The following HAT1 variants were observed in gnomAD, a reference collection of about 807,000 sequenced individuals.
HAT1 encodes the protein histone acetyltransferase 1, also known as histone acetyltransferase type B catalytic subunit.
In HAT1, 20 loss-of-function variants were observed where a neutral mutation model predicts 56.6. That is an observed-to-expected ratio of 0.35 (90% CI 0.25 to 0.51). The LOEUF is 0.51. Ranked by LOEUF, HAT1 falls within the 20% of genes least tolerant of loss-of-function variation. The pLI is 0.95. For synonymous variants in HAT1, 146 were observed against 165.5 expected (o/e 0.88, Z 0.91); for missense variants, 408 against 504.3 (o/e 0.81, Z 1.83).
At chr2:171,943,207 G>T (rs1687067895) in intron 2 of HAT1, among the ~76,000 whole-genome samples, 1 of 151,076 alleles carries the variant, frequency 6.6e-6, no homozygotes, top group African/African-American at 2.4e-5. Flanking sequence ...TTTGAAACCA[G>T]CCTGGCCAAC....
chr2:171,965,359 A>G lies in HAT1; in HGVS notation c.331A>G (p.Ile111Val). ...CVEADDVEGK[I>V]RQIIPPGFCT... ...TTAGGCAGATGATGTTGAGGGCAAA[A>G]TTAGACAAATCATTCCACCTGGATT... Residue 111 changes from isoleucine to valine, a missense_variant, in exon 5 of 11, where the codon ATT becomes GTT. Physicochemically the swap from Ile to Val is conservative, Grantham distance 29. Transcript: ENST00000264108. The G allele has an allele frequency of 6.2e-7, 1 of 1,607,662 alleles. No individual in the cohort carries two copies. Among genetic ancestry groups the G allele is most frequent in the African/African-American group, 1.3e-5 (1 of 74,900 alleles).
At chr2:171,936,804 A>T (rs1032776166) in intron 2 of HAT1, among the ~76,000 whole-genome samples, 4 of 152,188 alleles carry the variant, frequency 2.6e-5, no homozygotes, top group African/African-American at 9.7e-5. Flanking sequence ...CTAAGATTTC[A>T]GTTATTTAAA....
intron 4 of HAT1, among the ~76,000 whole-genome samples, chr2:171,957,471 G>A (rs762067144): frequency 1.3e-5 from 2 of 152,072 alleles, no homozygotes; most frequent in African/African-American, 2.4e-5. Context: ...AATTTCACAG[G>A]TTCATAGATG....
intron 10 of HAT1, among the ~76,000 whole-genome samples, chr2:171,981,821 C>G (rs1203146355): frequency 6.6e-6 from 1 of 152,084 alleles, no homozygotes; most frequent in Non-Finnish European, 1.5e-5. Context: ...GTTATCAATT[C>G]AGAAACATCA....
intron 2 of HAT1, among the ~76,000 whole-genome samples, chr2:171,928,828 G>A (rs1277266018): frequency 2.0e-5 from 3 of 152,100 alleles, no homozygotes; most frequent in Non-Finnish European, 4.4e-5. Flanking sequence ...TTTTATTGCT[G>A]AATACTGTTC....
At chr2:171,962,981 A>T (rs1687608369) in intron 4 of HAT1, among the ~76,000 whole-genome samples, 2 of 152,150 alleles carry the variant, frequency 1.3e-5, no homozygotes, top group South Asian at 4.2e-4. Flanking sequence ...CCAATCTGAA[A>T]GACGAATATT....
chr2:171,923,246 G>A (rs1030361093), intron 1 of HAT1: 6 of 151,688 alleles, frequency 4.0e-5, no homozygotes, highest in African/African-American at 1.5e-4. Flanking sequence ...TATTTTTTTC[G>A]ATTACTTATC....
At chr2:171,935,666 C>CT (rs1290621336) in intron 2 of HAT1, among the ~76,000 whole-genome samples, 1 of 151,902 alleles carries the variant, frequency 6.6e-6, no homozygotes, top group African/African-American at 2.4e-5. Flanking sequence ...CACTTTAGCC[C>CT]AGGAGTTTGA....
intron 8 of HAT1, among the ~76,000 whole-genome samples, chr2:171,970,496 C>CTT (rs61462189): frequency 6.7e-5 from 5 of 74,986 alleles, no homozygotes; most frequent in African/African-American, 2.0e-4. Flanking sequence ...AATGCAGTTT[C>CTT]TTTTTTTTTT....
In HAT1 at chr2:171,936,204, G is replaced by T. The variant is rs60085177; in HGVS notation, c.113-10504G>T. 3.5e-3 allele frequency among the ~76,000 whole-genome samples: 526 copies of T among 152,318 alleles called. 3 individuals carry two copies. Among genetic ancestry groups the T allele is most frequent in the African/African-American group, 0.012 (480 of 41,560 alleles). On this transcript the variant is annotated intron_variant, in intron 2 of 10. Transcript: ENST00000264108. Reference sequence around the variant, plus strand: ...GAGCTAAATTATTCAAAGAATGAGGGAGAGAGGTGGAGCATGAACTTTAAA... The same window carrying T: ...GAGCTAAATTATTCAAAGAATGAGGTAGAGAGGTGGAGCATGAACTTTAAA...
chr2:171,936,230 G>A (rs974867030), intron 2 of HAT1, among the ~76,000 whole-genome samples: 12 of 152,210 alleles, frequency 7.9e-5, no homozygotes, highest in Non-Finnish European at 1.0e-4. Context: ...GAACTTTAAA[G>A]TGGTTTATTC....
At chr2:171,928,593 C>CGGT (rs1309186095) in intron 2 of HAT1, among the ~76,000 whole-genome samples, 2 of 152,002 alleles carry the variant, frequency 1.3e-5, no homozygotes, top group Non-Finnish European at 2.9e-5. Flanking sequence ...AATGCGATCT[C>CGGT]CACCTTCTGG....
At chr2:171,945,322 T>C (rs1687131596) in intron 2 of HAT1, among the ~76,000 whole-genome samples, 2 of 152,012 alleles carry the variant, frequency 1.3e-5, no homozygotes, top group Non-Finnish European at 2.9e-5. Flanking sequence ...CATTCCATCT[T>C]AGATTGATAG....
chr2:171,957,217 T>C (rs1222792297), intron 4 of HAT1, among the ~76,000 whole-genome samples: 1 of 152,224 alleles, frequency 6.6e-6, no homozygotes, highest in Admixed American at 6.5e-5. Flanking sequence ...CAACATGTGC[T>C]ACCTTTAAAG....
At chr2:171,964,161 T>C (rs1687634996) in intron 4 of HAT1, among the ~76,000 whole-genome samples, 1 of 152,170 alleles carries the variant, frequency 6.6e-6, no homozygotes, top group Non-Finnish European at 1.5e-5. Flanking sequence ...TAGGAATTAG[T>C]AGCATGTTGT....
chr2:171,949,208 CT>C (rs1208206164), intron 3 of HAT1, among the ~76,000 whole-genome samples: 9 of 151,348 alleles, frequency 5.9e-5, no homozygotes, highest in African/African-American at 2.2e-4. Context: ...CTCAGGGATG[CT>C]TTTTTTTGTT....
chr2:171,978,922 C>CAAAAA (rs3838506), intron 9 of HAT1, among the ~76,000 whole-genome samples: 1 of 69,174 alleles, frequency 1.4e-5, no homozygotes. Flanking sequence ...CCCATTTCTA[C>CAAAAA]AAAAAAAAAA....
chr2:171,926,608 A>G (rs1686599869), intron 2 of HAT1, among the ~76,000 whole-genome samples: 1 of 152,002 alleles, frequency 6.6e-6, no homozygotes, highest in Non-Finnish European at 1.5e-5. Flanking sequence ...AAATTTTTTC[A>G]TAGAGATGGA....
At chr2:171,947,592 T>C (rs1296166570) in intron 3 of HAT1, among the ~76,000 whole-genome samples, 2 of 152,156 alleles carry the variant, frequency 1.3e-5, no homozygotes, top group African/African-American at 4.8e-5. Context: ...TAAATATATG[T>C]CCCAGGCCAG....
Sources: allele counts gnomAD v4.1 joint callset (sites outside exome capture counted in the v4.1 genomes callset), GRCh38; gene constraint gnomAD v4.1.1; transcripts MANE v1.5; gene names NCBI Gene and HGNC (gene_info 2026-07-23, HGNC 2026-07-21).